RSPO1: variants seen among roughly 807,000 people sequenced by gnomAD.
The protein encoded by RSPO1 is R-spondin-1.
In RSPO1, 18 loss-of-function variants were observed where a neutral mutation model predicts 26.0. The ratio of observed to expected loss-of-function variants is 0.69; its 90% CI spans 0.48 to 1.03. The LOEUF (loss-of-function observed/expected upper bound fraction) is 1.03, where lower values mean the gene tolerates loss of function less well. Ranked by LOEUF, RSPO1 falls within the 50% of genes least tolerant of loss-of-function variation. The probability of loss-of-function intolerance (pLI) is 0.00; values close to 1 mark genes in which losing one functional copy is unlikely to be tolerated. For synonymous variants in RSPO1, 133 were observed against 137.4 expected (o/e 0.97, Z 0.22); for missense variants, 309 against 352.3 (o/e 0.88, Z 0.98).
At chr1:37,621,202 G>A (rs151059857) in intron 3 of RSPO1, among the ~76,000 whole-genome samples, 1 of 152,164 alleles carries the variant, frequency 6.6e-6, no homozygotes, top group Non-Finnish European at 1.5e-5. Flanking sequence ...TGATGAGGCG[G>A]GAAGTTGGAG....
intron 3 of RSPO1, among the ~76,000 whole-genome samples, chr1:37,618,093 G>T (rs1644144715): frequency 6.6e-6 from 1 of 152,216 alleles, no homozygotes; most frequent in African/African-American, 2.4e-5. Flanking sequence ...GGGTGGAGAT[G>T]GGAATGGGAG....
rs182509912 is a variant in RSPO1 at position 37,619,244 on chromosome 1, A to G, written c.95-2569T>C. ...TCAAAAGACAAAACAAAACAAACAA[A>G]CAAAAGAGCCAGGGAGAGAGGAGCT... On this transcript the variant is annotated intron_variant, in intron 3 of 6. Transcript: ENST00000356545. 3.5e-3 allele frequency among the ~76,000 whole-genome samples: 540 copies of G among 152,236 alleles called. 2 individuals are homozygous for G. The highest frequency in any genetic ancestry group is 0.012 in the African/African-American group (514 of 41,554).
At chr1:37,617,914 A>T (rs1644142094) in intron 3 of RSPO1, among the ~76,000 whole-genome samples, 1 of 152,182 alleles carries the variant, frequency 6.6e-6, no homozygotes, top group African/African-American at 2.4e-5. Context: ...AGGCCAAGCA[A>T]TAGTGGACCC....
intron 2 of RSPO1, among the ~76,000 whole-genome samples, chr1:37,630,675 G>A (rs4073941): frequency 0.18 from 27,121 of 152,244 alleles, 3,048 homozygotes; most frequent in East Asian, 0.37. Flanking sequence ...CAGGGGAGCC[G>A]GTCCCTCCCC....
At chr1:37,628,581 G>C (rs1354643293) in intron 3 of RSPO1, among the ~76,000 whole-genome samples, 1 of 152,250 alleles carries the variant, frequency 6.6e-6, no homozygotes, top group African/African-American at 2.4e-5. Context: ...GACAGATGAG[G>C]ACTTGGGACT....
intron 1 of RSPO1, among the ~76,000 whole-genome samples, chr1:37,632,797 C>T (rs1291423916): frequency 6.6e-6 from 1 of 152,220 alleles, no homozygotes; most frequent in African/African-American, 2.4e-5. Flanking sequence ...TATGCGCACA[C>T]ACAGGCATGC....
At chr1:37,625,890 G>A (rs933520053) in intron 3 of RSPO1, among the ~76,000 whole-genome samples, 3 of 152,118 alleles carry the variant, frequency 2.0e-5, no homozygotes, top group Admixed American at 2.0e-4. Flanking sequence ...TGTTGGGCAG[G>A]CTGGTCTTGA....
rs576989462 is a variant in RSPO1 at position 37,628,482 on chromosome 1, G to A, written c.94+1086C>T. ...CTTCACTGGGGGGCCTCCGTCTGCA[G>A]GGAAACATGAAGCAAGAGGGAGCTG... On this transcript the variant is annotated intron_variant, in intron 3 of 6. Coordinates refer to ENST00000356545, the MANE Select transcript of RSPO1 (RefSeq NM_001242908.2). Among the ~76,000 whole-genome samples, 6 of 152,346 alleles carry A rather than the reference G, an allele frequency of 3.9e-5. No individual in the cohort carries two copies. In the East Asian group the frequency reaches 1.2e-3, roughly 29 times the overall value.
rs749409848 is a variant in RSPO1 at position 37,633,490 on chromosome 1, C to T, written c.-356+1076G>A. ...CGGGAGGGGGCTGGAATCACTTTCA[C>T]CTTCTTGCCTGCAATACCGTCAGAA... On this transcript the variant is annotated intron_variant, in intron 1 of 6. Transcript: ENST00000356545. Among the ~76,000 whole-genome samples, 3 of 152,234 alleles carry T rather than the reference C, an allele frequency of 2.0e-5. No individual in the cohort carries two copies. The East Asian group carries it at 5.8e-4, about 29-fold the overall frequency.
chr1:37,621,344 T>C (rs1238169953), intron 3 of RSPO1, among the ~76,000 whole-genome samples: 1 of 152,132 alleles, frequency 6.6e-6, no homozygotes, highest in African/African-American at 2.4e-5. Flanking sequence ...TTTAGAAAGA[T>C]CACTCCGTAG....
chr1:37,627,061 G>A (rs911211649), intron 3 of RSPO1, among the ~76,000 whole-genome samples: 9 of 152,150 alleles, frequency 5.9e-5, no homozygotes, highest in East Asian at 3.9e-4. Context: ...CTCAGACTCC[G>A]AAATCAGACA....
chr1:37,614,061 G>A (rs1644069688), intron 5 of RSPO1, 123 bp downstream of exon 5: 3 of 1,326,494 alleles, frequency 2.3e-6, no homozygotes, highest in Non-Finnish European at 3.2e-6. Context: ...GACTCAGAAA[G>A]GAGTGGTAGG....
chr1:37,622,828 G>C (rs552346205), intron 3 of RSPO1, among the ~76,000 whole-genome samples: 1 of 152,204 alleles, frequency 6.6e-6, no homozygotes, highest in Non-Finnish European at 1.5e-5. Context: ...GTGGAGATGA[G>C]AGCCAAACCA....
Position 37,613,348 on chromosome 1 carries a change from G to A in RSPO1, c.625+356C>T, listed in dbSNP as rs1007268751. Reference sequence around the variant, plus strand: ...GCCAACCCCTTGCCAACTGCAGGCTGTGTGACTTTGGTGGAATCACTACAC... The same window carrying A: ...GCCAACCCCTTGCCAACTGCAGGCTATGTGACTTTGGTGGAATCACTACAC... On this transcript the variant is annotated intron_variant, in intron 6 of 6. Transcript: ENST00000356545. The surrounding 1 kb of genome is among the most constrained non-coding windows in gnomAD (Gnocchi z 4.5). Among the ~76,000 whole-genome samples, 1 of 152,228 alleles carries A rather than the reference G, an allele frequency of 6.6e-6. No homozygotes were observed. The highest frequency in any genetic ancestry group is 1.5e-5 in the Non-Finnish European group (1 of 68,036).
intron 2 of RSPO1, among the ~76,000 whole-genome samples, chr1:37,631,603 C>T (rs1203934232): frequency 6.6e-6 from 1 of 152,216 alleles, no homozygotes; most frequent in African/African-American, 2.4e-5. Flanking sequence ...GGTTCTGCTA[C>T]TTATTAGCTA....
rs985817026 is a variant in RSPO1 at position 37,613,016 on chromosome 1, G to A, written c.626-95C>T. 11 of 1,398,870 alleles carry A rather than the reference G, an allele frequency of 7.9e-6. No individual in the cohort carries two copies. The highest frequency in any genetic ancestry group is 1.2e-5 in the South Asian group (1 of 86,050). 86.7% of individuals were successfully genotyped at this position (1,398,870 alleles called of 1,614,324 possible). ...CCTAGGAGGGGAGTGTGAGGAAGCC[G>A]GAAGGGGAGGCAGGGAGGAGGCTGG... On this transcript the variant is annotated intron_variant, in intron 6 of 6. Transcript: ENST00000356545. This position sits in a 1 kb window ranked among gnomAD's most constrained non-coding sequence, Gnocchi z 4.5.
intron 3 of RSPO1, among the ~76,000 whole-genome samples, chr1:37,621,595 C>T (rs2148171431): frequency 6.6e-6 from 1 of 151,826 alleles, no homozygotes; most frequent in Admixed American, 6.6e-5. Context: ...AGAGGGACCA[C>T]AGGAGGAGGA....
chr1:37,627,326 G>T (rs1309685412), intron 3 of RSPO1, among the ~76,000 whole-genome samples: 1 of 151,862 alleles, frequency 6.6e-6, no homozygotes, highest in Non-Finnish European at 1.5e-5. Flanking sequence ...AGGCAAAATG[G>T]TCTACACATT....
intron 4 of RSPO1, among the ~76,000 whole-genome samples, chr1:37,615,738 G>A (rs975602145): frequency 6.6e-6 from 1 of 152,236 alleles, no homozygotes. Flanking sequence ...TACAGAGAAG[G>A]GATGGAGATA....
Sources: gnomAD v4.1 joint callset for allele counts (sites outside exome capture counted in the v4.1 genomes callset) on GRCh38, gnomAD v4.1.1 for gene constraint, Gnocchi (gnomAD v3.1) non-coding constraint, MANE v1.5 for transcripts, NCBI Gene and HGNC (gene_info 2026-07-23, HGNC 2026-07-21) for gene names.